The following AZIN1 variants were observed in gnomAD, a reference collection of about 807,000 sequenced individuals.
The protein encoded by AZIN1 is ornithine decarboxylase antizyme inhibitor.
Under a neutral mutation model 47.4 loss-of-function variants are expected in AZIN1, and 12 were observed. That is an observed-to-expected ratio of 0.25 (90% CI 0.16 to 0.41). The LOEUF (loss-of-function observed/expected upper bound fraction) is 0.41, where lower values mean the gene tolerates loss of function less well. Ranked by LOEUF, AZIN1 falls within the 10% of genes least tolerant of loss-of-function variation. AZIN1 has a pLI of 1.00. For synonymous variants in AZIN1, 155 were observed against 176.3 expected (o/e 0.88, Z 0.96); for missense variants, 410 against 532.4 (o/e 0.77, Z 2.26).
At chr8:102,831,880 G>A (rs1403351842) in intron 9 of AZIN1, among the ~76,000 whole-genome samples, 3 of 152,030 alleles carry the variant, frequency 2.0e-5, no homozygotes, top group East Asian at 3.9e-4. Context: ...TGCTTAAGCC[G>A]GGAGGTGGAG....
chr8:102,835,978 G>A (rs1054584157), intron 6 of AZIN1, among the ~76,000 whole-genome samples: 4 of 152,018 alleles, frequency 2.6e-5, no homozygotes, highest in East Asian at 1.9e-4. Context: ...TTTAAAAGGC[G>A]GCGATTTAAG....
chr8:102,829,215 G>C, intron 11 of AZIN1, 57 bp downstream of exon 11: 1 of 1,422,806 alleles, frequency 7.0e-7, no homozygotes, highest in Non-Finnish European at 9.7e-7. Flanking sequence ...AAACTTATTA[G>C]CAAGTCTAAA....
intron 2 of AZIN1, among the ~76,000 whole-genome samples, chr8:102,849,622 T>C (rs73280736): frequency 2.4e-4 from 36 of 152,334 alleles, no homozygotes; most frequent in African/African-American, 8.2e-4. Context: ...GTATTATCAA[T>C]AGACACTAGA....
chr8:102,857,872 T>C (rs1813393929), intron 2 of AZIN1, 141 bp downstream of exon 2: 1 of 394,790 alleles, frequency 2.5e-6, no homozygotes, highest in South Asian at 1.4e-4. Context: ...GTAACTGTCT[T>C]ATCTCTATTT....
rs1028489024 is a variant in AZIN1 at position 102,826,907 on chromosome 8, G to A, written c.*1660C>T. 1 of 152,502 alleles carries A rather than the reference G, an allele frequency of 6.6e-6. No homozygotes were observed. The highest frequency in any genetic ancestry group is 2.1e-4 in the South Asian group (1 of 4,816). The allele number at this position is 152,502 out of a possible 1,614,324, so 9.4% of individuals were successfully genotyped here. A position where few individuals can be genotyped will look rare whatever the true frequency, so the allele number is the denominator to read the frequency against. ...TGGAAAAGTCCAAGGGCAATTTGAT[G>A]GCAATGGATTGGGGCCCTATATATA... On this transcript the variant is annotated 3_prime_UTR_variant, in exon 12 of 12. Transcript: ENST00000337198.
chr8:102,845,182 G>T (rs987931317), intron 2 of AZIN1, among the ~76,000 whole-genome samples: 1 of 151,818 alleles, frequency 6.6e-6, no homozygotes, highest in Non-Finnish European at 1.5e-5. Flanking sequence ...TCACCCTTGG[G>T]TGATGGCCAC....
chr8:102,850,583 G>A (rs947153490), intron 2 of AZIN1, among the ~76,000 whole-genome samples: 9 of 152,134 alleles, frequency 5.9e-5, no homozygotes, highest in Admixed American at 2.6e-4. Context: ...AAACTGGTAG[G>A]AAATCCTATA....
intron 9 of AZIN1, 124 bp from the exon 10 acceptor site, chr8:102,830,060 C>A: frequency 1.5e-6 from 1 of 680,078 alleles, no homozygotes; most frequent in South Asian, 1.9e-5. Flanking sequence ...GCACGCATTT[C>A]ACAAAGGAAG....
At chr8:102,861,900 G>A (rs1275017772) in intron 1 of AZIN1, among the ~76,000 whole-genome samples, 1 of 152,020 alleles carries the variant, frequency 6.6e-6, no homozygotes, top group Non-Finnish European at 1.5e-5. Context: ...TTAGCTGGGC[G>A]TGGTGGGCGC....
At chr8:102,831,239 CTA>C (rs1278501591) in intron 9 of AZIN1, among the ~76,000 whole-genome samples, 1 of 151,866 alleles carries the variant, frequency 6.6e-6, no homozygotes, top group Non-Finnish European at 1.5e-5. Context: ...GAATAAAGAT[CTA>C]TGAGTCTAAA....
At position 102,843,564 on chromosome 8, in the gene AZIN1, T is replaced by C. The variant is rs1365469623; in HGVS notation, c.89A>G (p.Tyr30Cys). 1.9e-6 allele frequency: 3 copies of C among 1,613,750 alleles called. No homozygotes were observed. The highest frequency in any genetic ancestry group is 2.5e-6 in the Non-Finnish European group (3 of 1,179,676). The change falls in exon 3 of 12, where the codon TAT becomes TGT. Residue 30 changes from tyrosine (Y) to cysteine (C), a missense_variant. By Grantham distance (194) the Tyr-to-Cys change is radical. Coordinates refer to ENST00000337198, the MANE Select transcript of AZIN1 (RefSeq NM_148174.4). ...AATGGCACTTACCAGGGTATGTTCA[T>C]AAACATAGTTATCAATAACATTTCC... is the stretch of plus-strand genomic sequence containing the variant. ...NLGNVIDNYVYEHTLTGKNAF... is the reference protein window; with the variant it reads ...NLGNVIDNYVCEHTLTGKNAF...
intron 2 of AZIN1, among the ~76,000 whole-genome samples, chr8:102,851,753 CT>C (rs1812933046): frequency 6.6e-6 from 1 of 152,128 alleles, no homozygotes; most frequent in Non-Finnish European, 1.5e-5. Flanking sequence ...CCCTGTACCT[CT>C]CCCTTAGAAT....
At chr8:102,836,509 G>A (rs1399919232) in intron 5 of AZIN1, 119 bp from the exon 6 acceptor site, 6 of 1,105,060 alleles carry the variant, frequency 5.4e-6, no homozygotes, top group East Asian at 2.4e-5. Context: ...ATCCAGCGAC[G>A]GATGAATCAA....
At chr8:102,845,080 G>T in intron 2 of AZIN1, among the ~76,000 whole-genome samples, 1 of 152,116 alleles carries the variant, frequency 6.6e-6, no homozygotes, top group East Asian at 1.9e-4. Context: ...CAGCTGTCTG[G>T]GCAGCCTGTT....
chr8:102,834,980 A>C (rs1811725392), intron 6 of AZIN1: 1 of 467,544 alleles, frequency 2.1e-6, no homozygotes, highest in Non-Finnish European at 3.8e-6. Context: ...AAAATTCTTA[A>C]CAATAAGTCA....
At chr8:102,831,840 A>G (rs1160438760) in intron 9 of AZIN1, among the ~76,000 whole-genome samples, 1 of 152,108 alleles carries the variant, frequency 6.6e-6, no homozygotes, top group African/African-American at 2.4e-5. Context: ...CTGTAGTCCC[A>G]GCTATGCAAG....
Position 102,836,256 on chromosome 8 carries a change from T to C in AZIN1, c.584A>G (p.Lys195Arg). ...KELDVQIIGV[K>R]FHVSSACKES... ...TTAAAAGTTTAAAACAAATACTCAC[T>C]TAACCCCAATTATTTGGACATCAAG... Residue 195 changes from lysine (K) to arginine (R), a missense_variant and splice_region_variant, in exon 6 of 12, where the codon AAA becomes AGA. Physicochemically the swap from Lys to Arg is conservative, Grantham distance 26 (BLOSUM62 2). Transcript: ENST00000337198. 1 of 1,613,690 alleles carries C rather than the reference T, an allele frequency of 6.2e-7. No individual in the cohort carries two copies. The highest frequency in any genetic ancestry group is 8.5e-7 in the Non-Finnish European group (1 of 1,179,754).
intron 2 of AZIN1, among the ~76,000 whole-genome samples, chr8:102,857,620 CTCTA>C (rs1257995520): frequency 1.4e-4 from 22 of 151,988 alleles, no homozygotes; most frequent in South Asian, 4.2e-4. Context: ...ATATATGTAT[CTCTA>C]TCTATCTCTA....
At position 102,834,320 on chromosome 8, in the gene AZIN1, C is replaced by A. The variant is rs1811676978; in HGVS notation, c.667-57G>T. On this transcript the variant is annotated intron_variant, in intron 7 of 11. Transcript: ENST00000337198. Reference sequence around the variant, plus strand: ...TTCCAAATTGTAATGGATATGAGAACATTTTAAAAACCCCCTCCTAGGGAG... The same window carrying A: ...TTCCAAATTGTAATGGATATGAGAAAATTTTAAAAACCCCCTCCTAGGGAG... 8 of 1,443,988 alleles carry A rather than the reference C, an allele frequency of 5.5e-6. No individual in the cohort carries two copies. In the East Asian group the frequency reaches 1.4e-4, roughly 25 times the overall value. 89.4% of individuals were successfully genotyped at this position (1,443,988 alleles called of 1,614,324 possible).
Sources: allele counts gnomAD v4.1 joint callset (sites outside exome capture counted in the v4.1 genomes callset), GRCh38; gene constraint gnomAD v4.1.1; transcripts MANE v1.5; gene names NCBI Gene and HGNC (gene_info 2026-07-23, HGNC 2026-07-21).